Variants in RYR3 observed in about 807,000 individuals in gnomAD.
The protein encoded by RYR3 is ryanodine receptor 3.
RYR3 carries 207 observed loss-of-function variants against 584.3 expected under a neutral mutation model. That is an observed-to-expected ratio of 0.35 (90% CI 0.32 to 0.40). The LOEUF is 0.40. RYR3 is among the 10% of genes least tolerant of loss of function. RYR3 has a pLI of 1.00. For synonymous variants in RYR3, 2,416 were observed against 2,248.5 expected (o/e 1.07, Z -2.11); for missense variants, 5,616 against 6,089.2 (o/e 0.92, Z 2.59).
At chr15:33,321,038 C>T (rs1225515937) in intron 1 of RYR3, among the ~76,000 whole-genome samples, 3 of 152,164 alleles carry the variant, frequency 2.0e-5, no homozygotes, top group African/African-American at 7.2e-5. Context: ...GTTCTCTGAG[C>T]GTCTACTTTG....
chr15:33,584,407 G>A lies in RYR3; in HGVS notation c.1586G>A (p.Arg529His), dbSNP rs374359139. Reference sequence around the variant, plus strand: ...TCCTTGTTTGCAGCTGCTCTCATTCGCGGAAACAGAAACAATTGCGCTCAA... The same window carrying A: ...TCCTTGTTTGCAGCTGCTCTCATTCACGGAAACAGAAACAATTGCGCTCAA... The part of the protein sequence containing the change: ...LLYKLLAALI[R>H]GNRNNCAQFS... The change falls in exon 15 of 104, where the codon CGC (arginine) becomes CAC (histidine). Residue 529 changes from arginine (R) to histidine (H), a missense_variant. Coordinates refer to ENST00000634891, the MANE Select transcript of RYR3 (RefSeq NM_001036.6). The A allele has an allele frequency of 2.8e-5, 45 of 1,600,842 alleles. No individual in the cohort carries two copies. The highest frequency in any genetic ancestry group is 1.7e-4 in the Admixed American group (10 of 59,760).
rs142948239 is a variant in RYR3, at chr15:33,456,741, C to T, written c.52-16678C>T. On this transcript the variant is annotated intron_variant, in intron 1 of 103. Transcript: ENST00000634891. ...GAGATGAGTGTTACTTTCACCTATT[C>T]CTGGTGAAATCTCTTGCTGTGTTGT... 8.5e-4 allele frequency among the ~76,000 whole-genome samples: 130 copies of T among 152,296 alleles called. 1 individual carries two copies. Among genetic ancestry groups the T allele is most frequent in the African/African-American group, 3.0e-3 (124 of 41,562 alleles).
intron 86 of RYR3, among the ~76,000 whole-genome samples, chr15:33,831,462 G>C (rs1183640704): frequency 6.6e-6 from 1 of 152,220 alleles, no homozygotes; most frequent in African/African-American, 2.4e-5. Context: ...GTGGAGAAAT[G>C]ATTCATAGAA....
At chr15:33,352,137 T>A (rs1449352579) in intron 1 of RYR3, among the ~76,000 whole-genome samples, 1 of 152,184 alleles carries the variant, frequency 6.6e-6, no homozygotes, top group African/African-American at 2.4e-5. Context: ...TGTTCAGATC[T>A]TTTGCCCGTT....
At chr15:33,579,480 A>G (rs2152512258) in intron 12 of RYR3, among the ~76,000 whole-genome samples, 1 of 152,320 alleles carries the variant, frequency 6.6e-6, no homozygotes, top group African/African-American at 2.4e-5. Flanking sequence ...ATTGTTTAAA[A>G]GAATCATGGG....
chr15:33,800,796 C>T lies in RYR3; in HGVS notation c.9857C>T (p.Ala3286Val), dbSNP rs1272856032. ...NRSNWLKSPDADSDQLFRMVA... is the reference protein window; with the variant it reads ...NRSNWLKSPDVDSDQLFRMVA... The stretch of plus-strand genomic sequence containing the variant: ...TCTAACTGGCTGAAAAGTCCTGATG[C>T]TGATTCTGACCAGCTCTTCCGCATG... Residue 3286 changes from alanine (A) to valine (V), a missense_variant, in exon 68 of 104, where the codon GCT (alanine) becomes GTT (valine). Ala to Val is a moderately conservative substitution (Grantham distance 64). This residue lies in a region of RYR3 where 954 missense variants were observed against 1,132.2 expected (regional missense o/e 0.84). Coordinates refer to ENST00000634891, the MANE Select transcript of RYR3 (RefSeq NM_001036.6). The T allele has an allele frequency of 1.2e-6, 2 of 1,613,700 alleles. No homozygotes were observed. Among genetic ancestry groups the T allele is most frequent in the South Asian group, 2.2e-5 (2 of 91,076 alleles).
At chr15:33,651,871 G>A (rs780136595) in intron 31 of RYR3, among the ~76,000 whole-genome samples, 3 of 152,164 alleles carry the variant, frequency 2.0e-5, no homozygotes. Flanking sequence ...CACCAGTGTG[G>A]GCTTAGAAGA....
chr15:33,695,266 G>A (rs1481568740), intron 38 of RYR3, among the ~76,000 whole-genome samples: 1 of 152,194 alleles, frequency 6.6e-6, no homozygotes, highest in Non-Finnish European at 1.5e-5. Flanking sequence ...GAAGGGGTAA[G>A]CAGTGCCTTC....
In RYR3 at chr15:33,821,265, C is replaced by G. The variant is rs2077091262; in HGVS notation, c.10816-5C>G. Reference sequence around the variant, plus strand: ...ATCTTTCCCTGTGATTTTTTTTCCCCCCAGGAGAAAGAGATGGAGAAGCAA... The same window carrying G: ...ATCTTTCCCTGTGATTTTTTTTCCCGCCAGGAGAAAGAGATGGAGAAGCAA... On this transcript the variant is annotated splice_polypyrimidine_tract_variant and splice_region_variant and intron_variant, in intron 78 of 103. Transcript: ENST00000634891. 1.3e-6 allele frequency: 2 copies of G among 1,585,638 alleles called. No homozygotes were observed. The highest frequency in any genetic ancestry group is 2.7e-5 in the African/African-American group (2 of 74,182).
chr15:33,813,497 G>T lies in RYR3; in HGVS notation c.10420G>T (p.Val3474Phe), dbSNP rs201678035. The T allele has an allele frequency of 6.2e-7, 1 of 1,613,876 alleles. No individual in the cohort carries two copies. Residue 3474 changes from valine (V) to phenylalanine (F), a missense_variant, in exon 74 of 104, where the codon GTC becomes TTC. Physicochemically the swap from Val to Phe is conservative, Grantham distance 50. Transcript: ENST00000634891. ...VEQPLRSKKA[V>F]WHKLLSKQRK... ...ACAGCCTTTGAGGTCCAAGAAGGCC[G>T]TCTGGCACAAACTGTTATCAAAGCA...
chr15:33,706,291 T>A (rs1000920015), intron 42 of RYR3, among the ~76,000 whole-genome samples: 1 of 152,238 alleles, frequency 6.6e-6, no homozygotes, highest in Non-Finnish European at 1.5e-5. Context: ...TTCAATACTT[T>A]TGTAATGTTG....
intron 19 of RYR3, 33 bp downstream of exon 19, chr15:33,613,408 C>T: frequency 6.4e-7 from 1 of 1,556,526 alleles, no homozygotes; most frequent in Non-Finnish European, 8.7e-7. Context: ...TGGAGAGTAG[C>T]AGTTACCCCA....
At chr15:33,729,363 G>A (rs55707673) in intron 47 of RYR3, among the ~76,000 whole-genome samples, 3,180 of 152,120 alleles carry the variant, frequency 0.021, 55 homozygotes, top group Middle Eastern at 0.054. Flanking sequence ...AGTTCACCGC[G>A]AATCCCTGCC....
chr15:33,498,865 T>G (rs922192412), intron 2 of RYR3, among the ~76,000 whole-genome samples: 4 of 152,250 alleles, frequency 2.6e-5, no homozygotes, highest in African/African-American at 7.2e-5. Flanking sequence ...ATGGTGTGTG[T>G]GGGGTATTGT....
intron 20 of RYR3, among the ~76,000 whole-genome samples, chr15:33,625,648 A>AG: frequency 6.6e-6 from 1 of 152,314 alleles, no homozygotes; most frequent in African/African-American, 2.4e-5. Context: ...AGGAAGTTAG[A>AG]ATTTGGAGCT....
intron 72 of RYR3, 56 bp downstream of exon 72, chr15:33,811,093 G>A (rs2076512417): frequency 4.1e-6 from 6 of 1,455,062 alleles, no homozygotes; most frequent in African/African-American, 1.4e-5. Context: ...TGGCTGCAGG[G>A]TTCCAGCTTT....
chr15:33,596,502 G>GGGA (rs1348170860), intron 16 of RYR3, among the ~76,000 whole-genome samples: 4 of 146,048 alleles, frequency 2.7e-5, no homozygotes, highest in Non-Finnish European at 6.0e-5. Context: ...TTTTGGGGGG[G>GGGA]GGGGATTTCT....
chr15:33,603,215 T>G lies in RYR3; in HGVS notation c.2015T>G (p.Phe672Cys), dbSNP rs1480043063. 4 of 1,613,876 alleles carry G rather than the reference T, an allele frequency of 2.5e-6. No homozygotes were observed. Among genetic ancestry groups the G allele is most frequent in the South Asian group, 2.2e-5 (2 of 91,074 alleles). The change falls in exon 18 of 104, where the codon TTC (phenylalanine) becomes TGC (cysteine). Residue 672 changes from phenylalanine to cysteine, a missense_variant. Coordinates refer to ENST00000634891, the MANE Select transcript of RYR3 (RefSeq NM_001036.6). ...CTGATTATCGACCAGGTGGACCCCT[T>G]CCTAACAGCAGAGCCCACACATCTG... ...FELIIDQVDPFLTAEPTHLRV... is the reference protein window; with the variant it reads ...FELIIDQVDPCLTAEPTHLRV...
intron 2 of RYR3, among the ~76,000 whole-genome samples, chr15:33,480,595 T>C (rs550442964): frequency 6.6e-6 from 1 of 152,208 alleles, no homozygotes; most frequent in African/African-American, 2.4e-5. Flanking sequence ...TTAAGGAGAG[T>C]CAGAGGGAGT....
Sources: gnomAD v4.1 joint callset for allele counts (sites outside exome capture counted in the v4.1 genomes callset) on GRCh38, gnomAD v4.1.1 for gene constraint, gnomAD v4.1.1 regional missense constraint, MANE v1.5 for transcripts, NCBI Gene and HGNC (gene_info 2026-07-23, HGNC 2026-07-21) for gene names.